Variants in MARCHF7 observed in about 807,000 individuals in gnomAD.
MARCHF7 encodes membrane associated ring-CH-type finger 7, also known as E3 ubiquitin-protein ligase MARCHF7.
A neutral mutation model predicts 76.5 loss-of-function variants in MARCHF7; 20 were observed. That is an observed-to-expected ratio of 0.26 (90% CI 0.18 to 0.38). MARCHF7 has a LOEUF of 0.38. Ranked by LOEUF, MARCHF7 falls within the 10% of genes least tolerant of loss-of-function variation. The pLI, the probability that MARCHF7 is intolerant of heterozygous loss-of-function variation, is 1.00. For missense variants in MARCHF7, 797 were observed against 812.9 expected (o/e 0.98, Z 0.24); for synonymous variants, 295 against 293.0 (o/e 1.01, Z -0.07).
intron 3 of MARCHF7, among the ~76,000 whole-genome samples, chr2:159,720,010 T>C (rs1425799804): frequency 6.6e-6 from 1 of 152,124 alleles, no homozygotes; most frequent in Non-Finnish European, 1.5e-5. Flanking sequence ...CCAAGAATGT[T>C]GGAGCAGTGT....
At chr2:159,738,994 C>T (rs1419532456) in intron 4 of MARCHF7, among the ~76,000 whole-genome samples, 1 of 152,214 alleles carries the variant, frequency 6.6e-6, no homozygotes, top group East Asian at 1.9e-4. Context: ...CAGACGGGGG[C>T]CAAGGTAGCA....
At chr2:159,765,608 T>A (rs927109584) in intron 11 of MARCHF7, among the ~76,000 whole-genome samples, 5 of 152,208 alleles carry the variant, frequency 3.3e-5, no homozygotes, top group African/African-American at 1.2e-4. Context: ...TTATCTATAG[T>A]GTGCATAACA....
rs1705165605 is a variant in MARCHF7 at position 159,748,430 on chromosome 2, A to G, written c.1140A>G (p.Arg380=). ...ATTTTAACCAAGAATCTGAAGGTAG[A>G]AATACAGGACCATGGTTATCTTCCT... is the stretch of plus-strand genomic sequence containing the variant. ...SENFNQESEG[R]NTGPWLSSSL... Residue 380 remains arginine (R), a synonymous_variant, in exon 7 of 12, where the codon AGA becomes AGG. Coordinates refer to ENST00000409175, the MANE Select transcript of MARCHF7 (RefSeq NM_001282805.2). 3.7e-6 allele frequency: 6 copies of G among 1,614,186 alleles called. No individual in the cohort carries two copies. Among genetic ancestry groups the G allele is most frequent in the Non-Finnish European group, 5.1e-6 (6 of 1,180,036 alleles).
intron 3 of MARCHF7, among the ~76,000 whole-genome samples, chr2:159,728,747 C>G (rs951025838): frequency 6.6e-6 from 1 of 152,076 alleles, no homozygotes; most frequent in Non-Finnish European, 1.5e-5. Flanking sequence ...AGGAAAAGAG[C>G]CCAGATTTTG....
chr2:159,750,923 ACT>A lies in MARCHF7; in HGVS notation c.1614-1476_1614-1475del, dbSNP rs552624045. 1.3e-3 allele frequency among the ~76,000 whole-genome samples: 200 copies of A among 152,084 alleles called. 1 individual carries two copies. The highest frequency in any genetic ancestry group is 3.4e-3 in the Middle Eastern group (1 of 294). On this transcript the variant is annotated intron_variant, in intron 7 of 11. Transcript: ENST00000409175. Reference sequence around the variant, plus strand: ...AAATCCAACTCTGGTGATAAAGGAAACTCTGCACACTTTCTGAGATGTTGGGC... The same window carrying A: ...AAATCCAACTCTGGTGATAAAGGAAACTGCACACTTTCTGAGATGTTGGGC...
intron 7 of MARCHF7, among the ~76,000 whole-genome samples, chr2:159,750,310 A>G (rs1401206021): frequency 6.6e-6 from 1 of 152,216 alleles, no homozygotes; most frequent in Non-Finnish European, 1.5e-5. Context: ...GCAGATCACA[A>G]GGTCAGGAGA....
At chr2:159,752,276 T>G (rs201905241) in intron 7 of MARCHF7, 126 bp from the exon 8 acceptor site, 2 of 708,320 alleles carry the variant, frequency 2.8e-6, no homozygotes, top group East Asian at 6.6e-5. Flanking sequence ...TGTTACTGTT[T>G]GCTTTTTTCC....
intron 8 of MARCHF7, among the ~76,000 whole-genome samples, chr2:159,756,705 A>C (rs1241770148): frequency 6.6e-6 from 1 of 151,266 alleles, no homozygotes; most frequent in East Asian, 1.9e-4. Context: ...AAAAAAAAAA[A>C]AAAAAAAAAC....
intron 9 of MARCHF7, among the ~76,000 whole-genome samples, chr2:159,760,368 A>G (rs1706884908): frequency 6.6e-6 from 1 of 152,218 alleles, no homozygotes; most frequent in Non-Finnish European, 1.5e-5. Flanking sequence ...GGATCCAGAT[A>G]AAGAATCACT....
chr2:159,720,047 ATGGAGTC>A (rs1701462715), intron 3 of MARCHF7, among the ~76,000 whole-genome samples: 2 of 152,048 alleles, frequency 1.3e-5, no homozygotes, highest in Admixed American at 1.3e-4. Context: ...CAGCCCCAAG[ATGGAGTC>A]TTGCTCTGTT....
In MARCHF7 at chr2:159,729,005, A is replaced by G. The variant is rs199630779; in HGVS notation, c.-14-4A>G. Reference sequence around the variant, plus strand: ...GGCAATTAATGAAAATTTTTATTTCACAGAAAAATCTTTAAGAATGGAGTC... The same window carrying G: ...GGCAATTAATGAAAATTTTTATTTCGCAGAAAAATCTTTAAGAATGGAGTC... On this transcript the variant is annotated splice_polypyrimidine_tract_variant and splice_region_variant and intron_variant, in intron 3 of 11. Transcript: ENST00000409175. The G allele has an allele frequency of 1.3e-4, 207 of 1,536,648 alleles. No individual in the cohort carries two copies. The highest frequency in any genetic ancestry group is 1.7e-4 in the Non-Finnish European group (189 of 1,145,368).
At chr2:159,743,944 A>C (rs956765201) in intron 5 of MARCHF7, among the ~76,000 whole-genome samples, 79 of 150,100 alleles carry the variant, frequency 5.3e-4, no homozygotes, top group African/African-American at 1.8e-3. Flanking sequence ...CTTGAGTTAC[A>C]AAAAAATGGT....
rs752811708 is a variant in MARCHF7, at chr2:159,749,032, G to A, written c.1613+129G>A. The A allele has an allele frequency of 3.8e-6, 4 of 1,049,006 alleles. No individual in the cohort carries two copies. The South Asian group carries it at 5.6e-5, about 15-fold the overall frequency. 65.0% of individuals were successfully genotyped at this position (1,049,006 alleles called of 1,614,324 possible). A position where few individuals can be genotyped will look rare whatever the true frequency, so the allele number is the denominator to read the frequency against. On this transcript the variant is annotated intron_variant, in intron 7 of 11. Coordinates refer to ENST00000409175, the MANE Select transcript of MARCHF7 (RefSeq NM_001282805.2). ...CTCAGTCTGTCACCCAGGCTGGAGT[G>A]TAATGGCACCATCTCGGCTCACTGC...
intron 4 of MARCHF7, chr2:159,733,858 A>G: frequency 8.4e-7 from 1 of 1,194,048 alleles, no homozygotes. Context: ...TATGTAATAT[A>G]CTTGAGCTTA....
At chr2:159,719,237 G>C (rs577747318) in intron 3 of MARCHF7, among the ~76,000 whole-genome samples, 2 of 151,894 alleles carry the variant, frequency 1.3e-5, no homozygotes, top group African/African-American at 2.4e-5. Flanking sequence ...GTAGAGACGG[G>C]GTGTCAATAT....
Position 159,748,892 on chromosome 2 carries a change from A to G in MARCHF7, c.1602A>G (p.Lys534=). ...CAAGAGATCCAGAAAGATTGCAGAA[A>G]ATAAAAGAGAGGTAAATTCGAATAC... The part of the protein sequence containing the change: ...APSRDPERLQ[K]IKESLLLEDS... The change falls in exon 7 of 12, where the codon AAA becomes AAG. Residue 534 remains lysine, a synonymous_variant. Coordinates refer to ENST00000409175, the MANE Select transcript of MARCHF7 (RefSeq NM_001282805.2). 1 of 1,600,334 alleles carries G rather than the reference A, an allele frequency of 6.2e-7. No homozygotes were observed. Among genetic ancestry groups the G allele is most frequent in the Non-Finnish European group, 8.5e-7 (1 of 1,174,170 alleles).
chr2:159,756,474 G>C (rs1430764113), intron 8 of MARCHF7, among the ~76,000 whole-genome samples: 1 of 151,914 alleles, frequency 6.6e-6, no homozygotes, highest in Non-Finnish European at 1.5e-5. Flanking sequence ...AGCACCTGAG[G>C]TCAGGAGTTC....
chr2:159,735,563 C>T (rs1703352065), intron 4 of MARCHF7, among the ~76,000 whole-genome samples: 1 of 152,210 alleles, frequency 6.6e-6, no homozygotes, highest in Non-Finnish European at 1.5e-5. Flanking sequence ...TTTTCATATA[C>T]ATGAGTAGAA....
In MARCHF7 at chr2:159,741,412, T is replaced by C. The variant is rs114746826; in HGVS notation, c.154-1649T>C. 8.9e-3 allele frequency among the ~76,000 whole-genome samples: 1,353 copies of C among 152,162 alleles called. 22 individuals are homozygous for C. Among genetic ancestry groups the C allele is most frequent in the African/African-American group, 0.031 (1,273 of 41,494 alleles). ...TTTATACGTCTTTTTGTGTTGTTTA[T>C]TTGTAATGTCTTTTTTCATTCATCT... On this transcript the variant is annotated intron_variant, in intron 4 of 11. Coordinates refer to ENST00000409175, the MANE Select transcript of MARCHF7 (RefSeq NM_001282805.2).
Sources: gnomAD v4.1 joint callset for allele counts (sites outside exome capture counted in the v4.1 genomes callset) on GRCh38, gnomAD v4.1.1 for gene constraint, MANE v1.5 for transcripts, NCBI Gene and HGNC (gene_info 2026-07-23, HGNC 2026-07-21) for gene names.